DLGAP2: variants seen among roughly 807,000 people sequenced by gnomAD.
DLGAP2 encodes DLG associated protein 2, also known as disks large-associated protein 2.
DLGAP2 carries 26 observed loss-of-function variants against 100.3 expected under a neutral mutation model. The ratio of observed to expected loss-of-function variants is 0.26; its 90% confidence interval spans 0.19 to 0.36. DLGAP2 has a LOEUF of 0.36. Ranked by LOEUF, DLGAP2 falls within the 10% of genes least tolerant of loss-of-function variation. The pLI, the probability that DLGAP2 is intolerant of heterozygous loss-of-function variation, is 1.00. For missense variants in DLGAP2, 1,858 were observed against 1,453.2 expected (o/e 1.28, Z -4.53); for synonymous variants, 886 against 630.1 (o/e 1.41, Z -6.08).
At chr8:958,582 C>A (rs2701917) in intron 2 of DLGAP2, among the ~76,000 whole-genome samples, 28,357 of 85,842 alleles carry the variant, frequency 0.33, 3,651 homozygotes, top group South Asian at 0.41. Context: ...ACTAGACCTC[C>A]AAAAAAAAAA....
intron 3 of DLGAP2, among the ~76,000 whole-genome samples, chr8:1,376,817 GTTC>G (rs1016562161): frequency 6.6e-6 from 1 of 152,046 alleles, no homozygotes; most frequent in Non-Finnish European, 1.5e-5. Flanking sequence ...CGCAGGTGGG[GTTC>G]TTCTTGCTAC....
intron 2 of DLGAP2, among the ~76,000 whole-genome samples, chr8:1,236,663 G>A (rs1180457551): frequency 3.8e-5 from 1 of 26,296 alleles, no homozygotes; most frequent in Non-Finnish European, 6.8e-5. Context: ...ACATGGCACC[G>A]TGTCTAGTTC....
At position 1,145,720 on chromosome 8, in the gene DLGAP2, G is replaced by A. The variant is rs376019583; in HGVS notation, c.74-113131G>A. ...GCTGGTGTGCTGCACCCATTAACTC[G>A]TCATTTAGCATTAGGTATATCTCCT... On this transcript the variant is annotated intron_variant, in intron 2 of 14. Coordinates refer to ENST00000637795, the MANE Select transcript of DLGAP2 (RefSeq NM_001346810.2). Among the ~76,000 whole-genome samples, 668 of 149,108 alleles carry A rather than the reference G, an allele frequency of 4.5e-3. 2 individuals carry two copies. Among genetic ancestry groups the A allele is most frequent in the African/African-American group, 0.016 (635 of 40,266 alleles).
intron 4 of DLGAP2, among the ~76,000 whole-genome samples, chr8:1,527,480 A>G (rs1563202499): frequency 6.6e-6 from 1 of 152,272 alleles, no homozygotes; most frequent in Non-Finnish European, 1.5e-5. Context: ...TGTCTCACAC[A>G]GCAGCTCTGG....
At chr8:1,683,958 A>G (rs1265636035) in intron 12 of DLGAP2, among the ~76,000 whole-genome samples, 262 of 8,342 alleles carry the variant, frequency 0.031, 5 homozygotes, top group African/African-American at 0.078. Context: ...ATGTGTGTAT[A>G]TATATATATA....
chr8:1,301,165 G>A (rs1800328855), intron 3 of DLGAP2: 3 of 152,378 alleles, frequency 2.0e-5, no homozygotes, highest in Admixed American at 2.0e-4. Context: ...AAGTCCTTCT[G>A]GCTCCGCCAG....
At chr8:1,204,714 G>T (rs4976872) in intron 2 of DLGAP2, among the ~76,000 whole-genome samples, 36,952 of 151,600 alleles carry the variant, frequency 0.24, 4,950 homozygotes, top group Middle Eastern at 0.4. Context: ...GGAAATGAGG[G>T]AGGGATGGAG....
chr8:1,411,561 A>G (rs1167337277), intron 3 of DLGAP2, among the ~76,000 whole-genome samples: 2 of 152,196 alleles, frequency 1.3e-5, no homozygotes, highest in East Asian at 1.9e-4. Context: ...TGGGCAGATT[A>G]AACGAGGTAA....
chr8:1,374,553 G>T (rs999957565), intron 3 of DLGAP2, among the ~76,000 whole-genome samples: 1 of 152,134 alleles, frequency 6.6e-6, no homozygotes, highest in Non-Finnish European at 1.5e-5. Context: ...ATTTGTTCAG[G>T]CTGTGCTTTA....
At chr8:1,613,105 C>T (rs1328177673) in intron 6 of DLGAP2, among the ~76,000 whole-genome samples, 29 of 140,584 alleles carry the variant, frequency 2.1e-4, no homozygotes, top group Admixed American at 5.0e-4. Flanking sequence ...ATGTTTATTG[C>T]GGCATTATTC....
chr8:1,492,541 T>C (rs1267285952), intron 3 of DLGAP2, among the ~76,000 whole-genome samples: 2 of 152,204 alleles, frequency 1.3e-5, no homozygotes, highest in Non-Finnish European at 2.9e-5. Flanking sequence ...CGACACCCGA[T>C]GGGGACCGCG....
intron 3 of DLGAP2, among the ~76,000 whole-genome samples, chr8:1,292,552 C>A (rs1004287579): frequency 1.2e-4 from 18 of 152,172 alleles, no homozygotes; most frequent in Admixed American, 2.0e-4. Flanking sequence ...TTAATAACTT[C>A]TGTATATATG....
chr8:920,709 C>T (rs895187411), intron 2 of DLGAP2, among the ~76,000 whole-genome samples: 1 of 152,286 alleles, frequency 6.6e-6, no homozygotes, highest in Admixed American at 6.5e-5. Flanking sequence ...CATGATCGTG[C>T]TTGGGCAATC....
At chr8:1,389,179 C>G (rs4976882) in intron 3 of DLGAP2, among the ~76,000 whole-genome samples, 2 of 152,066 alleles carry the variant, frequency 1.3e-5, no homozygotes, top group Admixed American at 1.3e-4. Context: ...CTCTTCATGA[C>G]GGGAGGCACG....
Position 1,629,270 on chromosome 8 carries a change from G to A in DLGAP2, c.1590+2383G>A, listed in dbSNP as rs537596304. 1.2e-3 allele frequency among the ~76,000 whole-genome samples: 178 copies of A among 152,066 alleles called. 2 individuals carry two copies. The highest frequency in any genetic ancestry group is 4.0e-3 in the African/African-American group (165 of 41,476). ...AGGATACCACCTCTTTTATCTACTC[G>A]GTTACTTCTTTCCTTCCAGAAATGG... On this transcript the variant is annotated intron_variant, in intron 7 of 14. Transcript: ENST00000637795.
intron 3 of DLGAP2, among the ~76,000 whole-genome samples, chr8:1,333,544 G>A (rs1801205743): frequency 6.6e-6 from 1 of 152,136 alleles, no homozygotes; most frequent in Admixed American, 6.5e-5. Context: ...AGTCCTGTGT[G>A]CAGGGTTTGT....
intron 1 of DLGAP2, among the ~76,000 whole-genome samples, chr8:791,991 A>G (rs1822041500): frequency 3.3e-5 from 5 of 152,232 alleles, no homozygotes; most frequent in Admixed American, 3.3e-4. Context: ...CACTGCGTTA[A>G]GCAAGTAGTT....
At chr8:1,499,571 C>G (rs1799647670) in intron 3 of DLGAP2, among the ~76,000 whole-genome samples, 1 of 152,200 alleles carries the variant, frequency 6.6e-6, no homozygotes. Flanking sequence ...GGACATTTGG[C>G]AGATGTATTT....
chr8:862,159 G>A (rs1004262495), intron 1 of DLGAP2, among the ~76,000 whole-genome samples: 1 of 152,126 alleles, frequency 6.6e-6, no homozygotes, highest in Non-Finnish European at 1.5e-5. Flanking sequence ...ATGGCCAGGA[G>A]AAGGCTCCGG....
Sources: gnomAD v4.1 joint callset for allele counts (sites outside exome capture counted in the v4.1 genomes callset) on GRCh38, gnomAD v4.1.1 for gene constraint, MANE v1.5 for transcripts, NCBI Gene and HGNC (gene_info 2026-07-23, HGNC 2026-07-21) for gene names.